The following SORCS2 variants were observed in gnomAD, a reference collection of about 807,000 sequenced individuals.
SORCS2 encodes sortilin related VPS10 domain containing receptor 2.
In SORCS2, 100 loss-of-function variants were observed where a neutral mutation model predicts 141.6. The observed-to-expected ratio is 0.71, with a 90% CI of 0.60 to 0.83. The LOEUF is 0.83. Among genes scored for constraint, SORCS2 ranks in the 40% least tolerant of loss-of-function variants. The probability of loss-of-function intolerance (pLI) is 0.00; values close to 1 mark genes in which losing one functional copy is unlikely to be tolerated. For missense variants in SORCS2, 1,646 were observed against 1,560.2 expected (o/e 1.05, Z -0.93); for synonymous variants, 789 against 676.9 (o/e 1.17, Z -2.57).
At chr4:7,726,004 A>T (rs896104643) in intron 20 of SORCS2, among the ~76,000 whole-genome samples, 1 of 152,206 alleles carries the variant, frequency 6.6e-6, no homozygotes, top group African/African-American at 2.4e-5. Flanking sequence ...TGCTCCACAC[A>T]TGTCCCTTCA....
At position 7,663,494 on chromosome 4, in the gene SORCS2, T is replaced by C. The variant is rs1049883541; in HGVS notation, c.953-859T>C. Among the ~76,000 whole-genome samples, 1 of 152,236 alleles carries C rather than the reference T, an allele frequency of 6.6e-6. No homozygotes were observed. Among genetic ancestry groups the C allele is most frequent in the Non-Finnish European group, 1.5e-5 (1 of 68,044 alleles). ...CCAGTCAGTTTCAAGGGAACATGGA[T>C]GTGGCTCAGGAGGGCTTGGCAGTGG... On this transcript the variant is annotated intron_variant, in intron 6 of 26. Coordinates refer to ENST00000507866, the MANE Select transcript of SORCS2 (RefSeq NM_020777.3). The surrounding 1 kb of genome is among the most constrained non-coding windows in gnomAD (Gnocchi z 4.8).
intron 16 of SORCS2, among the ~76,000 whole-genome samples, chr4:7,714,769 C>T (rs950122096): frequency 9.2e-5 from 14 of 152,178 alleles, no homozygotes; most frequent in Non-Finnish European, 1.3e-4. Context: ...GCCCAGTGCC[C>T]ACAGGACAAT....
chr4:7,267,657 C>A (rs1365603950), intron 1 of SORCS2, among the ~76,000 whole-genome samples: 1 of 152,166 alleles, frequency 6.6e-6, no homozygotes, highest in African/African-American at 2.4e-5. Context: ...ATGGTAAAAC[C>A]CCGTCTGTAC....
Position 7,523,432 on chromosome 4 carries a change from T to C in SORCS2, c.549-8098T>C, listed in dbSNP as rs553029776. ...CAACAAGCATTTATTGAGTGCCAGC[T>C]GTGTGCCTGGCCAGTAGAGGCTTGC... On this transcript the variant is annotated intron_variant, in intron 2 of 26. Coordinates refer to ENST00000507866, the MANE Select transcript of SORCS2 (RefSeq NM_020777.3). Among the ~76,000 whole-genome samples the C allele has an allele frequency of 7.9e-5, 12 of 152,276 alleles. No individual in the cohort carries two copies. The South Asian group carries it at 8.3e-4, about 11-fold the overall frequency.
intron 10 of SORCS2, among the ~76,000 whole-genome samples, chr4:7,688,665 C>G (rs1479117940): frequency 6.6e-6 from 1 of 152,172 alleles, no homozygotes; most frequent in Non-Finnish European, 1.5e-5. Context: ...TGTGACCAGC[C>G]TGAGGATTGC....
At chr4:7,532,255 C>T (rs1229781947) in intron 3 of SORCS2, among the ~76,000 whole-genome samples, 1 of 152,196 alleles carries the variant, frequency 6.6e-6, no homozygotes, top group African/African-American at 2.4e-5. Flanking sequence ...GCAAAGCTGT[C>T]CTGTGAACCT....
At chr4:7,329,236 G>A (rs1184639702) in intron 1 of SORCS2, among the ~76,000 whole-genome samples, 1 of 152,230 alleles carries the variant, frequency 6.6e-6, no homozygotes, top group Non-Finnish European at 1.5e-5. Flanking sequence ...CGGGCCCGGG[G>A]CCTGGGAGGG....
rs192208474 is a variant in SORCS2 at position 7,306,512 on chromosome 4, G to A, written c.481-89776G>A. On this transcript the variant is annotated intron_variant, in intron 1 of 26. Coordinates refer to ENST00000507866, the MANE Select transcript of SORCS2 (RefSeq NM_020777.3). ...CTGAGGATGGCTGTTGGAGCAGAGG[G>A]AGTTCAGAACAGAGGGGCTGGGTTG... Among the ~76,000 whole-genome samples, 8 of 152,312 alleles carry A rather than the reference G, an allele frequency of 5.3e-5. No individual in the cohort carries two copies. The East Asian group carries it at 1.2e-3, about 22-fold the overall frequency.
intron 1 of SORCS2, among the ~76,000 whole-genome samples, chr4:7,346,200 T>C (rs1400661049): frequency 6.6e-6 from 1 of 152,220 alleles, no homozygotes; most frequent in Non-Finnish European, 1.5e-5. Flanking sequence ...GCTATAAATT[T>C]CCCCCTTTGC....
chr4:7,274,989 G>GTTGTCCGTGTGTTTAACAAGA (rs1673114904), intron 1 of SORCS2, among the ~76,000 whole-genome samples: 1 of 152,164 alleles, frequency 6.6e-6, no homozygotes, highest in African/African-American at 2.4e-5. Context: ...AAGATGATGG[G>GTTGTCCGTGTGTTTAACAAGA]TGTATCAGCA....
intron 2 of SORCS2, among the ~76,000 whole-genome samples, chr4:7,483,562 G>A (rs370487425): frequency 1.3e-5 from 2 of 152,098 alleles, no homozygotes; most frequent in South Asian, 2.1e-4. Flanking sequence ...CTGTTTATAA[G>A]CCACACTGTG....
At chr4:7,198,811 G>T (rs1266276328) in intron 1 of SORCS2, among the ~76,000 whole-genome samples, 3 of 152,176 alleles carry the variant, frequency 2.0e-5, no homozygotes, top group Non-Finnish European at 4.4e-5. Flanking sequence ...GTGGAGAGAG[G>T]CGGCAGCACA....
intron 3 of SORCS2, among the ~76,000 whole-genome samples, chr4:7,628,894 AAAT>A (rs1302555604): frequency 1.1e-4 from 16 of 152,212 alleles, no homozygotes; most frequent in Admixed American, 1.0e-3. Context: ...CCACAATAAG[AAAT>A]AATAATATAA....
chr4:7,253,685 T>C (rs1015923262), intron 1 of SORCS2, among the ~76,000 whole-genome samples: 35 of 152,260 alleles, frequency 2.3e-4, no homozygotes, highest in African/African-American at 8.2e-4. Context: ...AAGGCAGTGC[T>C]CTATGGTGAG....
intron 3 of SORCS2, among the ~76,000 whole-genome samples, chr4:7,620,090 C>G (rs1030343438): frequency 2.0e-5 from 3 of 152,024 alleles, no homozygotes; most frequent in African/African-American, 7.3e-5. Flanking sequence ...CCTCCTTCAT[C>G]TGCTGGGCTG....
intron 1 of SORCS2, among the ~76,000 whole-genome samples, chr4:7,263,756 C>T (rs536190377): frequency 5.1e-4 from 78 of 152,306 alleles, no homozygotes; most frequent in African/African-American, 1.7e-3. Context: ...TGGCAAGACT[C>T]CACTGTGGAC....
rs772479389 is a variant in SORCS2, at chr4:7,676,219, A to G, written c.1331A>G (p.Asp444Gly). 2.8e-5 allele frequency: 44 copies of G among 1,550,652 alleles called. No individual in the cohort carries two copies. The highest frequency in any genetic ancestry group is 1.7e-6 in the Non-Finnish European group (2 of 1,147,022). Residue 444 changes from aspartate (D) to glycine (G), a missense_variant, in exon 9 of 27, where the codon GAC becomes GGC. Physicochemically the swap from Asp to Gly is moderately conservative, Grantham distance 94. Coordinates refer to ENST00000507866, the MANE Select transcript of SORCS2 (RefSeq NM_020777.3). Reference sequence around the variant, plus strand: ...CAGGCGGAGGAGAGCGTGCTCATCGACATCCTGGAGGTGGGTCCAGGGTGG... The same window carrying G: ...CAGGCGGAGGAGAGCGTGCTCATCGGCATCCTGGAGGTGGGTCCAGGGTGG... ...SRQAEESVLI[D>G]ILEVRGVKGV... is the part of the protein sequence containing the mutation.
At chr4:7,395,653 G>T (rs1432727567) in intron 1 of SORCS2, among the ~76,000 whole-genome samples, 1 of 8,990 alleles carries the variant, frequency 1.1e-4, no homozygotes, top group Non-Finnish European at 6.7e-4. Flanking sequence ...CAAACAGCGT[G>T]GTCAGGTGGG....
At chr4:7,210,166 A>G (rs1727979881) in intron 1 of SORCS2, among the ~76,000 whole-genome samples, 1 of 152,170 alleles carries the variant, frequency 6.6e-6, no homozygotes, top group South Asian at 2.1e-4. Flanking sequence ...GTGTGGGGCC[A>G]GGTGGGTGGG....
Sources: gnomAD v4.1 joint callset for allele counts (sites outside exome capture counted in the v4.1 genomes callset) on GRCh38, gnomAD v4.1.1 for gene constraint, Gnocchi (gnomAD v3.1) non-coding constraint, MANE v1.5 for transcripts, NCBI Gene and HGNC (gene_info 2026-07-23, HGNC 2026-07-21) for gene names.